Variants in GFRAL observed in about 807,000 individuals in gnomAD.
The protein encoded by GFRAL is GDNF family receptor alpha like.
A neutral mutation model predicts 45.4 loss-of-function variants in GFRAL; 36 were observed. That is an observed-to-expected ratio of 0.79 (90% CI 0.61 to 1.05). The LOEUF (loss-of-function observed/expected upper bound fraction) is 1.05. GFRAL is among the 50% of genes least tolerant of loss of function. GFRAL has a pLI of 0.00. For missense variants in GFRAL, 507 were observed against 467.5 expected (o/e 1.08, Z -0.78); for synonymous variants, 166 against 154.1 (o/e 1.08, Z -0.57).
At chr6:55,343,675 A>C (rs1397010816) in intron 3 of GFRAL, among the ~76,000 whole-genome samples, 1 of 152,180 alleles carries the variant, frequency 6.6e-6, no homozygotes, top group East Asian at 1.9e-4. Context: ...AATAACTAAA[A>C]TCAGAGCAGA....
At chr6:55,352,533 C>T (rs762475001) in intron 5 of GFRAL, among the ~76,000 whole-genome samples, 31 of 152,196 alleles carry the variant, frequency 2.0e-4, no homozygotes, top group Admixed American at 3.3e-4. Context: ...TGAAGTCCTA[C>T]TCTCTTTATG....
At chr6:55,343,171 G>A (rs966524918) in intron 3 of GFRAL, among the ~76,000 whole-genome samples, 1 of 152,144 alleles carries the variant, frequency 6.6e-6, no homozygotes, top group Non-Finnish European at 1.5e-5. Context: ...TCTGCACCAA[G>A]CAGACCTAAT....
At chr6:55,369,437 C>T (rs929045033) in intron 6 of GFRAL, among the ~76,000 whole-genome samples, 2 of 152,210 alleles carry the variant, frequency 1.3e-5, no homozygotes, top group Admixed American at 6.5e-5. Flanking sequence ...TAGACCGGAG[C>T]TGTTCCTATT....
At position 55,338,642 on chromosome 6, in the gene GFRAL, T is replaced by C. The variant is rs542156186; in HGVS notation, c.316+4698T>C. Among the ~76,000 whole-genome samples the C allele has an allele frequency of 5.1e-4, 77 of 152,206 alleles. No individual in the cohort carries two copies. The South Asian group carries it at 0.013, about 25-fold the overall frequency. The stretch of plus-strand genomic sequence containing the variant: ...AAAAATAATGGTGACTCAGAAGACT[T>C]CACAGAATTGTTAGACTTGGGCCTT... On this transcript the variant is annotated intron_variant, in intron 3 of 8. Transcript: ENST00000340465.
intron 6 of GFRAL, among the ~76,000 whole-genome samples, chr6:55,381,539 A>T (rs1234749508): frequency 6.6e-6 from 1 of 151,906 alleles, no homozygotes; most frequent in Non-Finnish European, 1.5e-5. Flanking sequence ...TCCATTAGCG[A>T]GCATTTTTAT....
intron 3 of GFRAL, among the ~76,000 whole-genome samples, chr6:55,337,267 A>C (rs1295034389): frequency 6.6e-6 from 1 of 152,068 alleles, no homozygotes; most frequent in Non-Finnish European, 1.5e-5. Flanking sequence ...TTCAAGGCTA[A>C]ATTCTGTTCA....
At chr6:55,362,537 T>A (rs1356511531) in intron 6 of GFRAL, among the ~76,000 whole-genome samples, 5 of 151,990 alleles carry the variant, frequency 3.3e-5, no homozygotes, top group African/African-American at 1.2e-4. Flanking sequence ...TTGTCTGTGA[T>A]AATCTGTAGC....
intron 6 of GFRAL, among the ~76,000 whole-genome samples, chr6:55,376,350 G>A (rs1768534398): frequency 6.6e-6 from 1 of 152,076 alleles, no homozygotes; most frequent in Non-Finnish European, 1.5e-5. Flanking sequence ...TCAGGTTTTG[G>A]TATCAGGATG....
intron 3 of GFRAL, among the ~76,000 whole-genome samples, chr6:55,343,636 A>G (rs1306214757): frequency 6.6e-6 from 1 of 152,188 alleles, no homozygotes; most frequent in Non-Finnish European, 1.5e-5. Flanking sequence ...GCAAGAGCAA[A>G]CACATTCAAA....
intron 3 of GFRAL, 62 bp from the exon 4 acceptor site, chr6:55,350,030 G>A (rs1035217347): frequency 4.1e-5 from 41 of 998,696 alleles, no homozygotes; most frequent in Middle Eastern, 2.7e-4. Flanking sequence ...TGTGGCCCAC[G>A]TTTTCCTAGG....
chr6:55,333,043 T>C lies in GFRAL; in HGVS notation c.158-743T>C, dbSNP rs1221663711. Among the ~76,000 whole-genome samples the C allele has an allele frequency of 7.2e-5, 11 of 152,140 alleles. No homozygotes were observed. In the East Asian group the frequency reaches 2.1e-3, roughly 29 times the overall value. On this transcript the variant is annotated intron_variant, in intron 2 of 8. Coordinates refer to ENST00000340465, the MANE Select transcript of GFRAL (RefSeq NM_207410.2). ...CTACATTTTATAAGGCAATTTAAAA[T>C]ATGTTGTTAAAATATTATATTTAGG...
chr6:55,394,645 G>A (rs900061597), intron 6 of GFRAL, among the ~76,000 whole-genome samples: 1 of 152,122 alleles, frequency 6.6e-6, no homozygotes, highest in African/African-American at 2.4e-5. Context: ...TAATGCAGTA[G>A]TGTGGGATCT....
rs368119106 is a variant in GFRAL at position 55,328,221 on chromosome 6, G to A, written c.22+645G>A. On this transcript the variant is annotated intron_variant, in intron 1 of 8. Coordinates refer to ENST00000340465, the MANE Select transcript of GFRAL (RefSeq NM_207410.2). ...AAATAATTTATTTTTATTTAATGTA[G>A]AATCCATGAATCTATTTGCTAGATG... 2.8e-4 allele frequency among the ~76,000 whole-genome samples: 43 copies of A among 151,916 alleles called. 1 individual carries two copies. In the South Asian group the frequency reaches 4.4e-3, roughly 15 times the overall value.
intron 6 of GFRAL, among the ~76,000 whole-genome samples, chr6:55,374,757 G>A (rs1768501493): frequency 6.6e-6 from 1 of 151,858 alleles, no homozygotes; most frequent in South Asian, 2.1e-4. Flanking sequence ...TCATAGTTTT[G>A]GGTTTTACAT....
chr6:55,328,057 A>G (rs1206195418), intron 1 of GFRAL, among the ~76,000 whole-genome samples: 1 of 152,010 alleles, frequency 6.6e-6, no homozygotes, highest in African/African-American at 2.4e-5. Flanking sequence ...GCTAACTAGA[A>G]GTAATTTAGT....
chr6:55,400,353 G>A (rs561628165), intron 8 of GFRAL, among the ~76,000 whole-genome samples: 1 of 152,124 alleles, frequency 6.6e-6, no homozygotes, highest in East Asian at 1.9e-4. Context: ...AGTATTCACT[G>A]GAGATTTACC....
intron 6 of GFRAL, among the ~76,000 whole-genome samples, chr6:55,390,133 C>T (rs906235027): frequency 9.9e-5 from 15 of 152,208 alleles, no homozygotes; most frequent in African/African-American, 3.4e-4. Context: ...CCTTTCTCAC[C>T]TTTCTTTAAA....
At chr6:55,334,553 T>A (rs1767868340) in intron 3 of GFRAL, among the ~76,000 whole-genome samples, 1 of 152,192 alleles carries the variant, frequency 6.6e-6, no homozygotes, top group African/African-American at 2.4e-5. Flanking sequence ...GTCTTCAATG[T>A]CCCTATATAC....
At chr6:55,352,693 G>A (rs760037300) in intron 5 of GFRAL, among the ~76,000 whole-genome samples, 24 of 152,082 alleles carry the variant, frequency 1.6e-4, no homozygotes, top group Admixed American at 2.6e-4. Context: ...CTTTTTTGGA[G>A]TTACTTATGT....
Sources: allele counts gnomAD v4.1 joint callset (sites outside exome capture counted in the v4.1 genomes callset), GRCh38; gene constraint gnomAD v4.1.1; transcripts MANE v1.5; gene names NCBI Gene and HGNC (gene_info 2026-07-23, HGNC 2026-07-21).